Variants in REN observed in about 807,000 individuals in gnomAD.
The protein encoded by REN is renin, also known as angiotensin-forming enzyme.
Under a neutral mutation model 48.6 loss-of-function variants are expected in REN, and 42 were observed. That is an observed-to-expected ratio of 0.86 (90% confidence interval 0.68 to 1.12). REN has a LOEUF of 1.12. Among genes scored for constraint, REN ranks in the 50% most tolerant of loss-of-function variants. The probability of loss-of-function intolerance (pLI) is 0.00; values close to 1 mark genes in which losing one functional copy is unlikely to be tolerated. For synonymous variants in REN, 196 were observed against 204.6 expected (o/e 0.96, Z 0.36); for missense variants, 443 against 527.3 (o/e 0.84, Z 1.57).
intron 1 of REN, among the ~76,000 whole-genome samples, chr1:204,164,875 C>T (rs535506345): frequency 9.9e-5 from 15 of 152,168 alleles, no homozygotes; most frequent in Non-Finnish European, 1.9e-4. Context: ...CTTCCTTCTA[C>T]AGTCTTAATG....
chr1:204,157,018 A>G lies in REN; in HGVS notation c.699-222T>C, dbSNP rs148282945. 2.6e-3 allele frequency among the ~76,000 whole-genome samples: 393 copies of G among 152,300 alleles called. 2 individuals are homozygous for G. Among genetic ancestry groups the G allele is most frequent in the Admixed American group, 4.6e-3 (71 of 15,302 alleles). On this transcript the variant is annotated intron_variant, in intron 6 of 9. Transcript: ENST00000272190. ...CCCAAGACCAACCAGAGGTTGTTCC[A>G]GGGTAGTCCAGCTGTTCCCCCAAAA...
At chr1:204,159,638 T>C in intron 4 of REN, 43 bp from the exon 5 acceptor site, 1 of 1,585,526 alleles carries the variant, frequency 6.3e-7, no homozygotes, top group South Asian at 1.1e-5. Flanking sequence ...CACTGCCCAC[T>C]CCTTGGTTGG....
Position 204,156,883 on chromosome 1 carries a change from A to C in REN, c.699-87T>G. 6.5e-7 allele frequency: 1 copy of C among 1,546,256 alleles called. No homozygotes were observed. Among genetic ancestry groups the C allele is most frequent in the East Asian group, 2.2e-5 (1 of 44,596 alleles). On this transcript the variant is annotated intron_variant, in intron 6 of 9. Coordinates refer to ENST00000272190, the MANE Select transcript of REN (RefSeq NM_000537.4). The surrounding 1 kb of genome is among the most constrained non-coding windows in gnomAD (Gnocchi z 4.2). ...ATTGGGGAAGGTTGCACAAGGGTGC[A>C]GGGGAGGACAGAGGGCTCTAGAGCA...
chr1:204,159,925 A>G (rs962321295), intron 4 of REN, among the ~76,000 whole-genome samples: 1 of 151,966 alleles, frequency 6.6e-6, no homozygotes, highest in Non-Finnish European at 1.5e-5. Context: ...CTTGGCCCCC[A>G]CCCTTATCAT....
chr1:204,161,859 A>G (rs1352109401), intron 2 of REN, among the ~76,000 whole-genome samples, 154 bp downstream of exon 2: 1 of 152,090 alleles, frequency 6.6e-6, no homozygotes, highest in Non-Finnish European at 1.5e-5. Context: ...CAGGCTTTCC[A>G]GCTGGAAAAT....
At position 204,159,529 on chromosome 1, in the gene REN, G is replaced by C; in HGVS notation, c.559C>G (p.Leu187Val). ...VTEMPALPFM[L>V]AEFDGVVGMG... ...CCCACAACCCCATCAAACTCGGCCA[G>C]CATGAAGGGTAAGGCGGGCATCTCC... The change falls in exon 5 of 10, where the codon CTG becomes GTG. Residue 187 changes from leucine to valine, a missense_variant. Transcript: ENST00000272190. 6.2e-7 allele frequency: 1 copy of C among 1,614,188 alleles called. No homozygotes were observed. Among genetic ancestry groups the C allele is most frequent in the Non-Finnish European group, 8.5e-7 (1 of 1,180,020 alleles).
In REN at chr1:204,155,923, G is replaced by T. The variant is rs186717113; in HGVS notation, c.961-5C>A. 974 of 1,610,832 alleles carry T rather than the reference G, an allele frequency of 6.0e-4. 1 individual carries two copies. The highest frequency in any genetic ancestry group is 7.7e-4 in the Non-Finnish European group (905 of 1,177,396). ...CTCGTTACACTTCACGACATACTGG[G>T]GTGGGGGGCAAAGAGAGCCTTCTTG... On this transcript the variant is annotated splice_polypyrimidine_tract_variant and splice_region_variant and intron_variant, in intron 8 of 9. Coordinates refer to ENST00000272190, the MANE Select transcript of REN (RefSeq NM_000537.4).
Position 204,161,419 on chromosome 1 carries a change from TG to T in REN, c.250-5del. 6.5e-7 allele frequency: 1 copy of T among 1,545,702 alleles called. No individual in the cohort carries two copies. Among genetic ancestry groups the T allele is most frequent in the Non-Finnish European group, 8.8e-7 (1 of 1,142,390 alleles). On this transcript the variant is annotated splice_polypyrimidine_tract_variant and splice_region_variant and intron_variant, in intron 2 of 9. Transcript: ENST00000272190. ...CAATCTCGCCATAGTACTGGGTCTG[TG>T]GGGGTAAAAAGAGAGGGCTGGAGGG...
chr1:204,157,259 G>A (rs1314646170), intron 6 of REN, 102 bp downstream of exon 6: 2 of 1,482,452 alleles, frequency 1.3e-6, no homozygotes, highest in Non-Finnish European at 1.9e-6. Flanking sequence ...CGGAGGCTGG[G>A]CTTGCTGATG....
chr1:204,160,789 G>T, intron 3 of REN, 111 bp from the exon 4 acceptor site: 2 of 815,552 alleles, frequency 2.5e-6, no homozygotes, highest in Non-Finnish European at 4.4e-6. Context: ...GGGATGAGTG[G>T]CCCTAGGGTC....
chr1:204,166,246 G>C lies in REN; in HGVS notation c.48C>G (p.Leu16=). 1 of 1,614,166 alleles carries C rather than the reference G, an allele frequency of 6.2e-7. No homozygotes were observed. Among genetic ancestry groups the C allele is most frequent in the Non-Finnish European group, 8.5e-7 (1 of 1,180,006 alleles). The part of the protein sequence containing the change: ...RMPRWGLLLL[L]WGSCTFGLPT... ...GGAGACCAAAGGTACAGGAGCCCCA[G>C]AGCAGCAGCAGCAGTCCCCAGCGAG... Residue 16 remains leucine (L), a synonymous_variant, in exon 1 of 10, where the codon CTC becomes CTG. Transcript: ENST00000272190.
In REN at chr1:204,157,289, G is replaced by T. The variant is rs3730101; in HGVS notation, c.698+72C>A. On this transcript the variant is annotated intron_variant, in intron 6 of 9. Coordinates refer to ENST00000272190, the MANE Select transcript of REN (RefSeq NM_000537.4). ...CTGATGTGAGTTTTGGGCCGGTGGC[G>T]TGTGTAATTCTAGGTCAGGTGCTCG... 7.0e-3 allele frequency: 11,197 copies of T among 1,594,504 alleles called. 56 individuals carry two copies. Among genetic ancestry groups the T allele is most frequent in the Non-Finnish European group, 8.4e-3 (9,782 of 1,162,126 alleles).
Position 204,166,264 on chromosome 1 carries a change from C to T in REN, c.30G>A (p.Trp10Ter). The T allele has an allele frequency of 6.2e-7, 1 of 1,614,208 alleles. No homozygotes were observed. Among genetic ancestry groups the T allele is most frequent in the Non-Finnish European group, 8.5e-7 (1 of 1,180,042 alleles). ...AGCCCCAGAGCAGCAGCAGCAGTCC[C>T]CAGCGAGGCATCCTTCTCCATCCAT... MDGWRRMPR[W>*]GLLLLLWGSC... Residue 10 changes from tryptophan to a stop codon, truncating the protein, a stop_gained, in exon 1 of 10, where the codon TGG (tryptophan) becomes TGA (stop). Transcript: ENST00000272190. LOFTEE classifies it high-confidence loss of function.
intron 1 of REN, among the ~76,000 whole-genome samples, chr1:204,165,964 A>G (rs1658342378): frequency 6.6e-6 from 1 of 152,116 alleles, no homozygotes; most frequent in African/African-American, 2.4e-5. Flanking sequence ...TGAGTTCTCT[A>G]CAGTGCTTAG....
chr1:204,155,747 G>A, intron 9 of REN, 73 bp downstream of exon 9: 1 of 1,134,752 alleles, frequency 8.8e-7, no homozygotes, highest in South Asian at 1.3e-5. Context: ...CCTGTGCATT[G>A]TAATCTGTCA....
In REN at chr1:204,159,295, C is replaced by T. The variant is rs745660605; in HGVS notation, c.689+104G>A. ...GCTCTAGATATTGATTGGCTGTCACCTAATTACAAACACTTTACAATTCTG... is the reference window on the plus strand; with the variant it reads ...GCTCTAGATATTGATTGGCTGTCACTTAATTACAAACACTTTACAATTCTG... On this transcript the variant is annotated intron_variant, in intron 5 of 9. Transcript: ENST00000272190. 4.9e-6 allele frequency: 5 copies of T among 1,016,852 alleles called. No homozygotes were observed. The Admixed American group carries it at 7.1e-5, about 14-fold the overall frequency. The allele number at this position is 1,016,852 out of a possible 1,614,324, so 63.0% of individuals were successfully genotyped here. A position where few individuals can be genotyped will look rare whatever the true frequency, so the allele number is the denominator to read the frequency against.
chr1:204,156,437 C>T lies in REN; in HGVS notation c.819-118G>A. 5 of 1,453,690 alleles carry T rather than the reference C, an allele frequency of 3.4e-6. No individual in the cohort carries two copies. The highest frequency in any genetic ancestry group is 2.4e-5 in the East Asian group (1 of 41,264). The allele number at this position is 1,453,690 out of a possible 1,614,324, so 90.0% of individuals were successfully genotyped here. On this transcript the variant is annotated intron_variant, in intron 7 of 9. Transcript: ENST00000272190. The surrounding 1 kb of genome is among the most constrained non-coding windows in gnomAD (Gnocchi z 4.2). ...GGGTGGGTGGAGGCCACGCTGGTGG[C>T]CTGTTGAGGCAGTGAGTAGAGGAGG...
In REN at chr1:204,159,430, T is replaced by C; in HGVS notation, c.658A>G (p.Lys220Glu). Reference protein sequence around the residue: ...FDNIISQGVLKEDVFSFYYNR... With the variant: ...FDNIISQGVLEEDVFSFYYNR... Reference sequence around the variant, plus strand: ...TAGTAGAAAGAGAAGACGTCCTCTTTTAGCACCCCTTGGGAGATGATGTTG... The same window carrying C: ...TAGTAGAAAGAGAAGACGTCCTCTTCTAGCACCCCTTGGGAGATGATGTTG... The change falls in exon 5 of 10, where the codon AAA becomes GAA. Residue 220 changes from lysine (K) to glutamate (E), a missense_variant. By Grantham distance (56) the Lys-to-Glu change is moderately conservative. Transcript: ENST00000272190. 1 of 1,614,094 alleles carries C rather than the reference T, an allele frequency of 6.2e-7. No individual in the cohort carries two copies.
chr1:204,160,473 T>TC (rs1658222739), intron 4 of REN, 87 bp downstream of exon 4: 1 of 879,888 alleles, frequency 1.1e-6, no homozygotes, highest in Non-Finnish European at 2.0e-6. Flanking sequence ...GCAGTGTACC[T>TC]CCCCGCAGGT....
Sources: allele counts gnomAD v4.1 joint callset (sites outside exome capture counted in the v4.1 genomes callset), GRCh38; gene constraint gnomAD v4.1.1; non-coding constraint Gnocchi (gnomAD v3.1); transcripts MANE v1.5; gene names NCBI Gene and HGNC (gene_info 2026-07-23, HGNC 2026-07-21).